The following SMIM36 variants were observed in gnomAD, a reference collection of about 807,000 sequenced individuals.
SMIM36 encodes the protein small integral membrane protein 36.
At chr17:55,501,383 A>AATATATTATATTCTATAAT (rs1909965072) in intron 1 of SMIM36, among the ~76,000 whole-genome samples, 1 of 29,384 alleles carries the variant, frequency 3.4e-5, no homozygotes, top group African/African-American at 1.8e-4. Flanking sequence ...TATATTATAG[A>AATATATTATATTCTATAAT]ATATAATATA....
rs577457689 is a variant in SMIM36, at chr17:55,480,539, T to G, written c.*175-959A>C. Among the ~76,000 whole-genome samples, 306 of 152,312 alleles carry G rather than the reference T, an allele frequency of 2.0e-3. 2 individuals are homozygous for G. In the Middle Eastern group the frequency reaches 0.034, roughly 17 times the overall value. ...TTCTGTTCAGCCACTCACTGGTTGA[T>G]TTTTTGGGGGGATGCATTGACTTAC... On this transcript the variant is annotated intron_variant, in intron 1 of 4. Coordinates refer to ENST00000636752, the Ensembl canonical transcript of SMIM36.
chr17:55,462,480 C>G (rs775486618), intron 4 of SMIM36, among the ~76,000 whole-genome samples: 13 of 152,060 alleles, frequency 8.5e-5, no homozygotes, highest in Non-Finnish European at 1.0e-4. Flanking sequence ...GTGGCATGTG[C>G]CTGTAGTCTT....
intron 4 of SMIM36, among the ~76,000 whole-genome samples, chr17:55,463,172 C>T (rs573896307): frequency 6.6e-6 from 1 of 152,162 alleles, no homozygotes; most frequent in African/African-American, 2.4e-5. Context: ...TAGTTCTGAA[C>T]TCAATATATA....
chr17:55,490,191 GA>G (rs1410527183), intron 1 of SMIM36, among the ~76,000 whole-genome samples: 2 of 152,046 alleles, frequency 1.3e-5, no homozygotes, highest in African/African-American at 4.8e-5. Flanking sequence ...TAACACCTTT[GA>G]AGTTTACCAG....
chr17:55,485,009 G>A (rs919798695), intron 1 of SMIM36, among the ~76,000 whole-genome samples: 2 of 152,208 alleles, frequency 1.3e-5, no homozygotes, highest in African/African-American at 2.4e-5. Context: ...CTGATACCAA[G>A]AAATCCTTAT....
At chr17:55,500,977 A>C (rs1219492944) in intron 1 of SMIM36, among the ~76,000 whole-genome samples, 5 of 17,402 alleles carry the variant, frequency 2.9e-4, no homozygotes, top group Non-Finnish European at 2.4e-4. Context: ...TATATATTAT[A>C]ATATATTATA....
intron 4 of SMIM36, among the ~76,000 whole-genome samples, chr17:55,461,265 CTTCT>C (rs1043163562): frequency 2.0e-5 from 3 of 152,300 alleles, no homozygotes; most frequent in South Asian, 2.1e-4. Flanking sequence ...ATTTTTCTTC[CTTCT>C]GTCTTTTCTC....
At chr17:55,454,881 T>C (rs1427351453) in intron 4 of SMIM36, among the ~76,000 whole-genome samples, 1 of 152,208 alleles carries the variant, frequency 6.6e-6, no homozygotes, top group Non-Finnish European at 1.5e-5. Flanking sequence ...TTAATGACCA[T>C]ATTTTTTTTC....
At chr17:55,486,040 CTTT>C (rs11356976) in intron 1 of SMIM36, among the ~76,000 whole-genome samples, 1 of 135,648 alleles carries the variant, frequency 7.4e-6, no homozygotes. Flanking sequence ...TTCCTTTATT[CTTT>C]TTTTTTTTTT....
At chr17:55,462,681 G>A (rs992670205) in intron 4 of SMIM36, among the ~76,000 whole-genome samples, 2 of 152,304 alleles carry the variant, frequency 1.3e-5, no homozygotes, top group African/African-American at 4.8e-5. Flanking sequence ...ATGAGGATTT[G>A]AAATAAAGAA....
the SMIM36 span, among the ~76,000 whole-genome samples, chr17:55,517,200 G>A: frequency 5.9e-5 from 9 of 152,140 alleles, no homozygotes; most frequent in African/African-American, 2.2e-4. Context: ...ATACTAAGAT[G>A]GTGCAAAGAA....
At chr17:55,530,788 A>T in the SMIM36 span, among the ~76,000 whole-genome samples, 1 of 152,048 alleles carries the variant, frequency 6.6e-6, no homozygotes, top group Non-Finnish European at 1.5e-5. Context: ...GCCTCAAAAA[A>T]AAATGCAGGA....
chr17:55,455,938 T>C (rs1909010530), intron 4 of SMIM36, among the ~76,000 whole-genome samples: 1 of 151,814 alleles, frequency 6.6e-6, no homozygotes, highest in Non-Finnish European at 1.5e-5. Context: ...GCCAACACGG[T>C]GAAACCCTGT....
chr17:55,493,588 T>C (rs1048019193), intron 1 of SMIM36, among the ~76,000 whole-genome samples: 1 of 152,036 alleles, frequency 6.6e-6, no homozygotes, highest in African/African-American at 2.4e-5. Flanking sequence ...GGCAGGAAGA[T>C]TGCTTGAGTC....
chr17:55,458,269 C>A, intron 4 of SMIM36: 1 of 152,342 alleles, frequency 6.6e-6, no homozygotes. Flanking sequence ...CCCCCAGTCA[C>A]AATCTGCAGC....
chr17:55,469,229 C>A (rs940607454), intron 3 of SMIM36, among the ~76,000 whole-genome samples: 1 of 152,168 alleles, frequency 6.6e-6, no homozygotes, highest in African/African-American at 2.4e-5. Context: ...CCCAGTTTGG[C>A]TTACAGTTTC....
chr17:55,501,043 A>T lies in SMIM36; in HGVS notation c.*174+9836T>A, dbSNP rs377575341. ...TGTAATATATAATATATTATTATAT[A>T]TTATAATATATAATATATTATTATA... On this transcript the variant is annotated intron_variant, in intron 1 of 4. Transcript: ENST00000636752. Among the ~76,000 whole-genome samples, 97 of 18,114 alleles carry T rather than the reference A, an allele frequency of 5.4e-3. 22 individuals carry two copies. The highest frequency in any genetic ancestry group is 0.042 in the African/African-American group (78 of 1,878). The allele number at this position is 18,114 out of a possible 152,430, so 11.9% of individuals were successfully genotyped here. A position where few individuals can be genotyped will look rare whatever the true frequency, so the allele number is the denominator to read the frequency against.
At chr17:55,529,609 T>TACAC in the SMIM36 span, among the ~76,000 whole-genome samples, 6,984 of 142,976 alleles carry the variant, frequency 0.049, 218 homozygotes, top group Middle Eastern at 0.1. Flanking sequence ...CTACTAAAAA[T>TACAC]ACACACACAC....
At chr17:55,472,135 T>A (rs1909349267) in intron 3 of SMIM36, among the ~76,000 whole-genome samples, 1 of 152,112 alleles carries the variant, frequency 6.6e-6, no homozygotes, top group African/African-American at 2.4e-5. Context: ...ACACATAGCA[T>A]CTTCCCCCTT....
Sources: allele counts gnomAD v4.1 joint callset (sites outside exome capture counted in the v4.1 genomes callset), GRCh38; gene constraint gnomAD v4.1.1; transcripts MANE v1.5; gene names NCBI Gene and HGNC (gene_info 2026-07-23, HGNC 2026-07-21).